The following IL16 variants were observed in gnomAD, a reference collection of about 807,000 sequenced individuals.
The protein encoded by IL16 is interleukin 16.
Under a neutral mutation model 110.1 loss-of-function variants are expected in IL16, and 67 were observed. The ratio of observed to expected loss-of-function variants is 0.61; its 90% CI spans 0.50 to 0.75. The LOEUF is 0.75. Ranked by LOEUF, IL16 falls within the 30% of genes least tolerant of loss-of-function variation. IL16 has a pLI of 0.00. For synonymous variants in IL16, 689 were observed against 662.9 expected (o/e 1.04, Z -0.61); for missense variants, 1,545 against 1,655.0 (o/e 0.93, Z 1.15).
At chr15:81,208,336 C>T (rs1896111587) in intron 1 of IL16, among the ~76,000 whole-genome samples, 1 of 152,108 alleles carries the variant, frequency 6.6e-6, no homozygotes, top group South Asian at 2.1e-4. Context: ...TCTTTTTACT[C>T]TGTTGATAGT....
At chr15:81,294,515 TG>T (rs1210386136) in intron 12 of IL16, among the ~76,000 whole-genome samples, 1 of 152,164 alleles carries the variant, frequency 6.6e-6, no homozygotes, top group Non-Finnish European at 1.5e-5. Flanking sequence ...GAGAAGGAAC[TG>T]GGGTGTCCTC....
chr15:81,254,389 A>C (rs1897874659), intron 2 of IL16, among the ~76,000 whole-genome samples: 1 of 152,208 alleles, frequency 6.6e-6, no homozygotes. Flanking sequence ...CCTTGGTTGC[A>C]TGAGAATCTT....
At chr15:81,183,066 A>G (rs1332977596) in intron 1 of IL16, among the ~76,000 whole-genome samples, 1 of 145,518 alleles carries the variant, frequency 6.9e-6, no homozygotes, top group Middle Eastern at 3.2e-3. Flanking sequence ...CACACGTGTA[A>G]GTGTGTGCAC....
At chr15:81,202,321 CA>C (rs1895848049) in intron 1 of IL16, among the ~76,000 whole-genome samples, 1 of 152,144 alleles carries the variant, frequency 6.6e-6, no homozygotes, top group Admixed American at 6.5e-5. Flanking sequence ...AACCTGTTCT[CA>C]GAGCACAGAC....
chr15:81,228,391 G>C (rs1896862249), intron 2 of IL16, among the ~76,000 whole-genome samples: 1 of 150,804 alleles, frequency 6.6e-6, no homozygotes, highest in African/African-American at 2.4e-5. Context: ...TGCGATCTCA[G>C]CTCATTGCAA....
intron 12 of IL16, 147 bp from the exon 13 acceptor site, chr15:81,296,781 A>G (rs1049822070): frequency 1.4e-6 from 1 of 709,876 alleles, no homozygotes; most frequent in Admixed American, 3.0e-5. Flanking sequence ...ACCAAGGAGA[A>G]AAGAATCCTC....
chr15:81,261,856 C>T, intron 3 of IL16, among the ~76,000 whole-genome samples: 1 of 152,128 alleles, frequency 6.6e-6, no homozygotes, highest in South Asian at 2.1e-4. Context: ...ATCGCTTGAA[C>T]CCAGGAGTTT....
intron 1 of IL16, among the ~76,000 whole-genome samples, chr15:81,191,064 C>T (rs756650142): frequency 1.3e-5 from 2 of 152,204 alleles, no homozygotes; most frequent in Non-Finnish European, 1.5e-5. Flanking sequence ...GGAGTTGCCT[C>T]AGCCTCCACA....
chr15:81,212,461 T>A (rs935490631), intron 1 of IL16, among the ~76,000 whole-genome samples: 4 of 152,062 alleles, frequency 2.6e-5, no homozygotes, highest in South Asian at 4.1e-4. Flanking sequence ...TAAAAATTTT[T>A]AAAAATTATT....
At chr15:81,231,171 A>G (rs1372304693) in intron 2 of IL16, among the ~76,000 whole-genome samples, 4 of 151,976 alleles carry the variant, frequency 2.6e-5, no homozygotes, top group African/African-American at 4.8e-5. Flanking sequence ...ACAATATAAC[A>G]TAATATAACA....
intron 12 of IL16, among the ~76,000 whole-genome samples, chr15:81,293,892 G>A: frequency 6.6e-6 from 1 of 152,326 alleles, no homozygotes; most frequent in East Asian, 1.9e-4. Flanking sequence ...ACCTGATGGT[G>A]AGAGTCCCAG....
intron 5 of IL16, among the ~76,000 whole-genome samples, chr15:81,270,933 G>C: frequency 6.6e-6 from 1 of 152,182 alleles, no homozygotes; most frequent in East Asian, 1.9e-4. Context: ...TACACCCCAA[G>C]ATCTCGTCAC....
At chr15:81,225,973 G>A (rs1896776830) in intron 2 of IL16, among the ~76,000 whole-genome samples, 1 of 152,182 alleles carries the variant, frequency 6.6e-6, no homozygotes, top group African/African-American at 2.4e-5. Flanking sequence ...GATCCCTGAT[G>A]GAAAATGCCA....
rs187211847 is a variant in IL16, at chr15:81,264,936, T to A, written c.422-723T>A. On this transcript the variant is annotated intron_variant, in intron 3 of 18. Coordinates refer to ENST00000683961, the MANE Select transcript of IL16 (RefSeq NM_172217.5). ...CTTTTTAAATGTGGCTACTAGAAAATTTTTTAATTACATAGGTGGCTGGCA... is the reference window on the plus strand; with the variant it reads ...CTTTTTAAATGTGGCTACTAGAAAAATTTTTAATTACATAGGTGGCTGGCA... Among the ~76,000 whole-genome samples, 41 of 152,300 alleles carry A rather than the reference T, an allele frequency of 2.7e-4. 1 individual carries two copies. Among genetic ancestry groups the A allele is most frequent in the Admixed American group, 2.5e-3 (38 of 15,296 alleles).
chr15:81,211,502 T>C (rs1896242889), intron 1 of IL16, among the ~76,000 whole-genome samples: 1 of 152,206 alleles, frequency 6.6e-6, no homozygotes, highest in African/African-American at 2.4e-5. Context: ...TCCACCCACC[T>C]CAGCCTCCCA....
At chr15:81,284,563 C>G (rs1899352836) in intron 9 of IL16, among the ~76,000 whole-genome samples, 1 of 152,176 alleles carries the variant, frequency 6.6e-6, no homozygotes, top group South Asian at 2.1e-4. Context: ...GCATCTGGTG[C>G]TATACAACCA....
intron 1 of IL16, among the ~76,000 whole-genome samples, chr15:81,219,852 A>T (rs1295512603): frequency 6.6e-6 from 1 of 152,186 alleles, no homozygotes; most frequent in African/African-American, 2.4e-5. Context: ...TGAAACACTC[A>T]TCTGCCGTTC....
chr15:81,218,289 T>C (rs1896500805), intron 1 of IL16, among the ~76,000 whole-genome samples: 2 of 152,088 alleles, frequency 1.3e-5, no homozygotes, highest in Non-Finnish European at 2.9e-5. Flanking sequence ...AAAAATGTAA[T>C]TAAAAATATT....
In IL16 at chr15:81,313,354, C is replaced by T. The variant is rs371611066; in HGVS notation, c.*4556C>T. 3.7e-5 allele frequency: 59 copies of T among 1,578,682 alleles called. No homozygotes were observed. The highest frequency in any genetic ancestry group is 2.0e-4 in the African/African-American group (15 of 73,522). The stretch of plus-strand genomic sequence containing the variant: ...TCCACCACGTTCTGTGGGAGGTAAC[C>T]GCTGAGGTCGGTATGGAAGAATGTG... On this transcript the variant is annotated 3_prime_UTR_variant, in exon 19 of 19. Coordinates refer to ENST00000683961, the MANE Select transcript of IL16 (RefSeq NM_172217.5).
Sources: gnomAD v4.1 joint callset for allele counts (sites outside exome capture counted in the v4.1 genomes callset) on GRCh38, gnomAD v4.1.1 for gene constraint, MANE v1.5 for transcripts, NCBI Gene and HGNC (gene_info 2026-07-23, HGNC 2026-07-21) for gene names.